Variants in EXTL1 observed in about 807,000 individuals in gnomAD.
EXTL1 encodes exostosin like glycosyltransferase 1.
A neutral mutation model predicts 64.6 loss-of-function variants in EXTL1; 43 were observed. The observed-to-expected ratio is 0.67, with a 90% CI of 0.52 to 0.86. The LOEUF (loss-of-function observed/expected upper bound fraction) is 0.86, where lower values mean the gene tolerates loss of function less well. Ranked by LOEUF, EXTL1 falls within the 40% of genes least tolerant of loss-of-function variation. The pLI, the probability that EXTL1 is intolerant of heterozygous loss-of-function variation, is 0.00. For missense variants in EXTL1, 766 were observed against 879.0 expected (o/e 0.87, Z 1.62); for synonymous variants, 352 against 360.5 (o/e 0.98, Z 0.27).
intron 1 of EXTL1, among the ~76,000 whole-genome samples, chr1:26,024,626 TCCTTTTGCTGG>T (rs2050195379): frequency 6.6e-6 from 1 of 151,846 alleles, no homozygotes; most frequent in Non-Finnish European, 1.5e-5. Flanking sequence ...AGCCCCAGGG[TCCTTTTGCTGG>T]GACCTATCCC....
At position 26,034,001 on chromosome 1, in the gene EXTL1, C is replaced by T; in HGVS notation, c.1679+145C>T. The T allele has an allele frequency of 1.5e-6, 1 of 686,304 alleles. No homozygotes were observed. 42.5% of individuals were successfully genotyped at this position (686,304 alleles called of 1,614,324 possible). On this transcript the variant is annotated intron_variant, in intron 9 of 10. Transcript: ENST00000374280. This position sits in a 1 kb window ranked among gnomAD's most constrained non-coding sequence, Gnocchi z 4.6. ...CACTTCCCAGCTGTGGGATCCTGGG[C>T]AAATCTCCTCACTTCTCTAGAGTTT...
chr1:26,030,175 G>T (rs1374146260), intron 3 of EXTL1, among the ~76,000 whole-genome samples: 1 of 152,098 alleles, frequency 6.6e-6, no homozygotes, highest in African/African-American at 2.4e-5. Context: ...CCTGAGAATG[G>T]CAGAGGGGGT....
chr1:26,027,004 A>G lies in EXTL1; in HGVS notation c.780-2189A>G, dbSNP rs542175240. 9.2e-5 allele frequency among the ~76,000 whole-genome samples: 14 copies of G among 152,314 alleles called. No individual in the cohort carries two copies. In the South Asian group the frequency reaches 2.9e-3, roughly 32 times the overall value. ...ACTGGCTGCACGCTCAACCAGCTCC[A>G]TCACTAGAATTTCTGCTGAAATTGA... On this transcript the variant is annotated intron_variant, in intron 1 of 10. Transcript: ENST00000374280.
At position 26,034,835 on chromosome 1, in the gene EXTL1, G is replaced by T. The variant is rs1235086936; in HGVS notation, c.1680-1G>T. 6.2e-7 allele frequency: 1 copy of T among 1,613,098 alleles called. No individual in the cohort carries two copies. The highest frequency in any genetic ancestry group is 8.5e-7 in the Non-Finnish European group (1 of 1,179,320). On this transcript the variant is annotated splice_acceptor_variant, in intron 9 of 10. Transcript: ENST00000374280. LOFTEE classifies it high-confidence loss of function. This position sits in a 1 kb window ranked among gnomAD's most constrained non-coding sequence, Gnocchi z 4.6. ...TCTCCCTGTCTTTTCCTCTTGCCCAGGTATTACCACACTCTCTTCACCCAC... is the reference window on the plus strand; with the variant it reads ...TCTCCCTGTCTTTTCCTCTTGCCCATGTATTACCACACTCTCTTCACCCAC...
At position 26,023,220 on chromosome 1, in the gene EXTL1, C is replaced by T. The variant is rs779893702; in HGVS notation, c.574C>T (p.Pro192Ser). ...EASPTVDSFR[P>S]GFDVALPFLP... ...CAGCCCCACGGTGGACTCCTTCCGGCCCGGCTTTGATGTGGCCCTCCCTTT... is the reference window on the plus strand; with the variant it reads ...CAGCCCCACGGTGGACTCCTTCCGGTCCGGCTTTGATGTGGCCCTCCCTTT... The change falls in exon 1 of 11, where the codon CCC (proline) becomes TCC (serine). Residue 192 changes from proline to serine, a missense_variant. Pro to Ser is a moderately conservative substitution (Grantham distance 74). Coordinates refer to ENST00000374280, the MANE Select transcript of EXTL1 (RefSeq NM_004455.3). 2 of 1,610,226 alleles carry T rather than the reference C, an allele frequency of 1.2e-6. No individual in the cohort carries two copies. The highest frequency in any genetic ancestry group is 1.7e-6 in the Non-Finnish European group (2 of 1,177,632).
chr1:26,032,542 GCAC>G, intron 7 of EXTL1, 57 bp downstream of exon 7: 1 of 1,354,872 alleles, frequency 7.4e-7, no homozygotes, highest in South Asian at 1.3e-5. Context: ...CTGGGGGAGG[GCAC>G]CCATGGGGTG....
At chr1:26,032,829 G>A (rs1264741825) in intron 7 of EXTL1, among the ~76,000 whole-genome samples, 2 of 152,144 alleles carry the variant, frequency 1.3e-5, no homozygotes, top group African/African-American at 2.4e-5. Flanking sequence ...TGGTTGGTGT[G>A]AACCACCTGC....
chr1:26,035,473 CG>C lies in EXTL1; in HGVS notation c.*128del. On this transcript the variant is annotated 3_prime_UTR_variant, in exon 11 of 11. Coordinates refer to ENST00000374280, the MANE Select transcript of EXTL1 (RefSeq NM_004455.3). This position sits in a 1 kb window ranked among gnomAD's most constrained non-coding sequence, Gnocchi z 5.3. Reference sequence around the variant, plus strand: ...CATGTCAGCCAGCGGGCCCACACGTCGGACCCCGGTTGGCCAATCACAACAG... The same window carrying C: ...CATGTCAGCCAGCGGGCCCACACGTCGACCCCGGTTGGCCAATCACAACAG... 1.1e-6 allele frequency: 1 copy of C among 875,568 alleles called. No homozygotes were observed. Among genetic ancestry groups the C allele is most frequent in the Non-Finnish European group, 1.7e-6 (1 of 587,306 alleles). The allele number at this position is 875,568 out of a possible 1,614,324, so 54.2% of individuals were successfully genotyped here.
Position 26,034,939 on chromosome 1 carries a change from G to C in EXTL1, c.1783G>C (p.Ala595Pro). The C allele has an allele frequency of 6.2e-7, 1 of 1,614,224 alleles. No individual in the cohort carries two copies. The highest frequency in any genetic ancestry group is 8.5e-7 in the Non-Finnish European group (1 of 1,180,036). ...CGTCCTGATGAATTTCATAGTAGCA[G>C]CAGTCACCAAGCTGCCCCCTATCAA... is the stretch of plus-strand genomic sequence containing the variant. ...VDVLMNFIVA[A>P]VTKLPPIKVP... Residue 595 changes from alanine to proline, a missense_variant, in exon 10 of 11, where the codon GCA becomes CCA. Ala to Pro is a conservative substitution (Grantham distance 27, BLOSUM62 -1). This residue lies in a region of EXTL1 where 194 missense variants were observed against 214.5 expected (regional missense o/e 0.90). Transcript: ENST00000374280. This position sits in a 1 kb window ranked among gnomAD's most constrained non-coding sequence, Gnocchi z 4.6.
intron 2 of EXTL1, 80 bp from the exon 3 acceptor site, chr1:26,029,520 A>G: frequency 1.2e-6 from 1 of 839,780 alleles, no homozygotes; most frequent in East Asian, 2.7e-5. Context: ...CAACAGCAGC[A>G]GCTACTGACT....
Position 26,035,434 on chromosome 1 carries a change from A to C in EXTL1, c.*87A>C. ...TGCCGGCGGGCTCCGCTCTTGGGAC[A>C]CCGGAGAACCTATCATGTCAGCCAG... On this transcript the variant is annotated 3_prime_UTR_variant, in exon 11 of 11. Coordinates refer to ENST00000374280, the MANE Select transcript of EXTL1 (RefSeq NM_004455.3). The surrounding 1 kb of genome is among the most constrained non-coding windows in gnomAD (Gnocchi z 5.3). The C allele has an allele frequency of 8.1e-7, 1 of 1,241,518 alleles. No individual in the cohort carries two copies. The highest frequency in any genetic ancestry group is 2.9e-4 in the Middle Eastern group (1 of 3,472). 76.9% of individuals were successfully genotyped at this position (1,241,518 alleles called of 1,614,324 possible). A position where few individuals can be genotyped will look rare whatever the true frequency, so the allele number is the denominator to read the frequency against.
chr1:26,035,612 C>A lies in EXTL1; in HGVS notation c.*265C>A, dbSNP rs565375547. ...CTTCTCCACCCAGCTAACTTCTGCT[C>A]GTCTTTCAGAGCATTGTCTCCTCCA... is the stretch of plus-strand genomic sequence containing the variant. On this transcript the variant is annotated 3_prime_UTR_variant, in exon 11 of 11. Transcript: ENST00000374280. The surrounding 1 kb of genome is among the most constrained non-coding windows in gnomAD (Gnocchi z 5.3). 4.2e-4 allele frequency: 176 copies of A among 415,214 alleles called. No homozygotes were observed. Among genetic ancestry groups the A allele is most frequent in the African/African-American group, 3.1e-3 (152 of 49,704 alleles). The allele number at this position is 415,214 out of a possible 1,614,324, so 25.7% of individuals were successfully genotyped here. A position where few individuals can be genotyped will look rare whatever the true frequency, so the allele number is the denominator to read the frequency against.
rs760157945 is a variant in EXTL1 at position 26,023,203 on chromosome 1, C to A, written c.557C>A (p.Thr186Lys). 1 of 1,612,620 alleles carries A rather than the reference C, an allele frequency of 6.2e-7. No individual in the cohort carries two copies. The change falls in exon 1 of 11, where the codon ACG (threonine) becomes AAG (lysine). Residue 186 changes from threonine to lysine, a missense_variant. This residue lies in a region of EXTL1 where 571 missense variants were observed against 647.6 expected (regional missense o/e 0.88). Coordinates refer to ENST00000374280, the MANE Select transcript of EXTL1 (RefSeq NM_004455.3). ...GCTATGGTGGCTGAGGCCAGCCCCA[C>A]GGTGGACTCCTTCCGGCCCGGCTTT... ...GQAMVAEASPTVDSFRPGFDV... is the reference protein window; with the variant it reads ...GQAMVAEASPKVDSFRPGFDV...
At chr1:26,029,103 G>A in intron 1 of EXTL1, 90 bp from the exon 2 acceptor site, 1 of 859,712 alleles carries the variant, frequency 1.2e-6, no homozygotes, top group Non-Finnish European at 1.9e-6. Flanking sequence ...GGGGTGCAGG[G>A]GTGTGGGGTT....
In EXTL1 at chr1:26,023,067, G is replaced by A. The variant is rs760183567; in HGVS notation, c.421G>A (p.Ala141Thr). 7 of 1,613,656 alleles carry A rather than the reference G, an allele frequency of 4.3e-6. No individual in the cohort carries two copies. Among genetic ancestry groups the A allele is most frequent in the Admixed American group, 1.7e-5 (1 of 59,980 alleles). ...ACLLLLLSLD[A>T]QTGECSSMPL... ...CCTCCTCCTCCTCCTCAGCCTGGAC[G>A]CCCAGACTGGAGAGTGCAGCTCAAT... is the stretch of plus-strand genomic sequence containing the variant. Residue 141 changes from alanine (A) to threonine (T), a missense_variant, in exon 1 of 11, where the codon GCC becomes ACC. Coordinates refer to ENST00000374280, the MANE Select transcript of EXTL1 (RefSeq NM_004455.3).
In EXTL1 at chr1:26,033,294, C is replaced by T. The variant is rs777970742; in HGVS notation, c.1497C>T (p.Arg499=). The change falls in exon 8 of 11, where the codon CGC becomes CGT. Residue 499 remains arginine (R), a synonymous_variant. Coordinates refer to ENST00000374280, the MANE Select transcript of EXTL1 (RefSeq NM_004455.3). The surrounding 1 kb of genome is among the most constrained non-coding windows in gnomAD (Gnocchi z 5.1). ...RTDAILSLDA[R]SSLSTSEVDF... is the part of the protein sequence containing the mutation. ...ATGCCATCCTCAGCCTCGATGCCCG[C>T]AGCAGTCTTTCCACAAGTGAGGTGA... 1 of 1,614,008 alleles carries T rather than the reference C, an allele frequency of 6.2e-7. No homozygotes were observed. The highest frequency in any genetic ancestry group is 1.1e-5 in the South Asian group (1 of 91,082).
chr1:26,029,111 G>T (rs2050250221), intron 1 of EXTL1, 82 bp from the exon 2 acceptor site: 2 of 975,832 alleles, frequency 2.0e-6, no homozygotes, highest in African/African-American at 1.6e-5. Context: ...GGGGTGTGGG[G>T]TTCTCCCATT....
chr1:26,035,536 C>A lies in EXTL1; in HGVS notation c.*189C>A. 1 of 475,782 alleles carries A rather than the reference C, an allele frequency of 2.1e-6. No individual in the cohort carries two copies. The highest frequency in any genetic ancestry group is 3.7e-6 in the Non-Finnish European group (1 of 270,376). The allele number at this position is 475,782 out of a possible 1,614,324, so 29.5% of individuals were successfully genotyped here. A position where few individuals can be genotyped will look rare whatever the true frequency, so the allele number is the denominator to read the frequency against. On this transcript the variant is annotated 3_prime_UTR_variant, in exon 11 of 11. Coordinates refer to ENST00000374280, the MANE Select transcript of EXTL1 (RefSeq NM_004455.3). The surrounding 1 kb of genome is among the most constrained non-coding windows in gnomAD (Gnocchi z 5.3). ...CTTACCTTCTCCTGCTCGCCCTCAG[C>A]CGCGGAGCCTCTGCGGAGGCTGAGC...
chr1:26,028,468 T>G (rs372594479), intron 1 of EXTL1, among the ~76,000 whole-genome samples: 8 of 152,266 alleles, frequency 5.3e-5, no homozygotes, highest in African/African-American at 1.7e-4. Flanking sequence ...TGTGTCCTGG[T>G]CCCTCCCTTT....
Sources: allele counts gnomAD v4.1 joint callset (sites outside exome capture counted in the v4.1 genomes callset), GRCh38; gene constraint gnomAD v4.1.1; regional missense constraint gnomAD v4.1.1; non-coding constraint Gnocchi (gnomAD v3.1); transcripts MANE v1.5; gene names NCBI Gene and HGNC (gene_info 2026-07-23, HGNC 2026-07-21).